PCDHGA7: variants seen among roughly 807,000 people sequenced by gnomAD.
PCDHGA7 encodes protocadherin gamma-A7.
PCDHGA7 carries 44 observed loss-of-function variants against 58.3 expected under a neutral mutation model. That is an observed-to-expected ratio of 0.75 (90% CI 0.59 to 0.97). The LOEUF (loss-of-function observed/expected upper bound fraction) is 0.97, where lower values mean the gene tolerates loss of function less well. Ranked by LOEUF, PCDHGA7 falls within the 50% of genes least tolerant of loss-of-function variation. The pLI, the probability that PCDHGA7 is intolerant of heterozygous loss-of-function variation, is 0.00. For synonymous variants in PCDHGA7, 516 were observed against 504.2 expected (o/e 1.02, Z -0.31); for missense variants, 1,266 against 1,188.7 (o/e 1.06, Z -0.96).
intron 1 of PCDHGA7, chr5:141,415,330 A>G (rs1326574664): frequency 1.2e-6 from 2 of 1,614,094 alleles, no homozygotes; most frequent in African/African-American, 2.7e-5. Context: ...GCTGGCGCAC[A>G]GGCTGCGGCG....
intron 1 of PCDHGA7, chr5:141,405,052 C>A (rs182635391): frequency 2.0e-4 from 329 of 1,613,956 alleles, no homozygotes; most frequent in Non-Finnish European, 2.5e-4. Flanking sequence ...TGGCAGTCGT[C>A]TCCTGTGTCT....
intron 1 of PCDHGA7, chr5:141,404,308 C>T (rs1241004917): frequency 6.2e-7 from 1 of 1,613,918 alleles, no homozygotes; most frequent in Middle Eastern, 1.6e-4. Flanking sequence ...CACCTGCTTT[C>T]TCTCAAGCCT....
intron 1 of PCDHGA7, among the ~76,000 whole-genome samples, chr5:141,484,797 G>C (rs1228143036): frequency 6.6e-6 from 1 of 152,064 alleles, no homozygotes; most frequent in Non-Finnish European, 1.5e-5. Flanking sequence ...ATAACAACCC[G>C]TGGAAAAACA....
rs138408376 is a variant in PCDHGA7 at position 141,421,859 on chromosome 5, T to C, written c.2424+36536T>C. The stretch of plus-strand genomic sequence containing the variant: ...CGAGAGAAAGAGGCTGCTCACCTGC[T>C]CCTCCTCACAGCTTTAGATGGAGGC... On this transcript the variant is annotated intron_variant, in intron 1 of 3. Coordinates refer to ENST00000518325, the MANE Select transcript of PCDHGA7 (RefSeq NM_018920.4). The C allele has an allele frequency of 1.7e-3, 2,741 of 1,613,710 alleles. 8 individuals carry two copies. Among genetic ancestry groups the C allele is most frequent in the Middle Eastern group, 8.1e-3 (49 of 6,062 alleles).
At chr5:141,453,319 G>T (rs2098762311) in intron 1 of PCDHGA7, among the ~76,000 whole-genome samples, 1 of 151,492 alleles carries the variant, frequency 6.6e-6, no homozygotes, top group Admixed American at 6.6e-5. Flanking sequence ...TTATTTTAGA[G>T]ATGGGGTCTC....
chr5:141,478,718 C>T, intron 1 of PCDHGA7: 1 of 1,544,994 alleles, frequency 6.5e-7, no homozygotes, highest in East Asian at 2.4e-5. Context: ...AGATGGTGGC[C>T]TGCCAGAGTG....
Position 141,383,071 on chromosome 5 carries a change from G to C in PCDHGA7, c.172G>C (p.Glu58Gln). ...IAKDLGLEPR[E>Q]LAERGVRIIS... ...CAAGGACCTGGGGCTGGAGCCCCGGGAGCTGGCGGAGCGCGGAGTCCGCAT... is the reference window on the plus strand; with the variant it reads ...CAAGGACCTGGGGCTGGAGCCCCGGCAGCTGGCGGAGCGCGGAGTCCGCAT... The change falls in exon 1 of 4, where the codon GAG becomes CAG. Residue 58 changes from glutamate to glutamine, a missense_variant. Coordinates refer to ENST00000518325, the MANE Select transcript of PCDHGA7 (RefSeq NM_018920.4). The C allele has an allele frequency of 1.9e-6, 3 of 1,613,916 alleles. No homozygotes were observed. The South Asian group carries it at 3.3e-5, about 18-fold the overall frequency.
At position 141,431,468 on chromosome 5, in the gene PCDHGA7, G is replaced by A. The variant is rs756718016; in HGVS notation, c.2424+46145G>A. ...CCGCGTGATGGTTCTGGATGCGAAC[G>A]ACAACGCACCAGCGTTTGCTCAGCC... On this transcript the variant is annotated intron_variant, in intron 1 of 3. Transcript: ENST00000518325. This position sits in a 1 kb window ranked among gnomAD's most constrained non-coding sequence, Gnocchi z 4.8. The A allele has an allele frequency of 3.7e-6, 6 of 1,613,804 alleles. No homozygotes were observed. In the Admixed American group the frequency reaches 8.3e-5, roughly 22 times the overall value.
intron 1 of PCDHGA7, chr5:141,394,967 C>T: frequency 6.2e-7 from 1 of 1,613,950 alleles, no homozygotes; most frequent in Non-Finnish European, 8.5e-7. Flanking sequence ...GGCTGAGGCG[C>T]TGGCACAAGT....
chr5:141,421,640 A>T (rs367946949), intron 1 of PCDHGA7: 1 of 1,613,716 alleles, frequency 6.2e-7, no homozygotes, highest in Non-Finnish European at 8.5e-7. Context: ...CAGGAGGACG[A>T]AGTGGAGATA....
At chr5:141,404,642 T>C in intron 1 of PCDHGA7, 20 of 1,614,190 alleles carry the variant, frequency 1.2e-5, no homozygotes, top group Non-Finnish European at 1.7e-5. Flanking sequence ...AGAAATCCTG[T>C]ACCCTGCCCT....
chr5:141,490,896 G>C lies in PCDHGA7; in HGVS notation c.2425-3911G>C. The stretch of plus-strand genomic sequence containing the variant: ...TGCATGCCAACACATCTCTGCATGT[G>C]TTTGTCCTAGACGAGAATGATAATG... On this transcript the variant is annotated intron_variant, in intron 1 of 3. Coordinates refer to ENST00000518325, the MANE Select transcript of PCDHGA7 (RefSeq NM_018920.4). This position sits in a 1 kb window ranked among gnomAD's most constrained non-coding sequence, Gnocchi z 5.4. 2.5e-6 allele frequency: 4 copies of C among 1,613,938 alleles called. No homozygotes were observed. The highest frequency in any genetic ancestry group is 3.4e-6 in the Non-Finnish European group (4 of 1,179,922).
intron 1 of PCDHGA7, among the ~76,000 whole-genome samples, chr5:141,455,133 CTG>C (rs2098814252): frequency 6.6e-6 from 1 of 151,392 alleles, no homozygotes; most frequent in African/African-American, 2.4e-5. Flanking sequence ...TTAAATTACA[CTG>C]TGTTAAATAA....
At chr5:141,389,638 T>C in intron 1 of PCDHGA7, 1 of 1,612,986 alleles carries the variant, frequency 6.2e-7, no homozygotes, top group Non-Finnish European at 8.5e-7. Flanking sequence ...CCTGGCTACT[T>C]GGTGACCAAG....
rs535152193 is a variant in PCDHGA7, at chr5:141,422,906, C to G, written c.2424+37583C>G. ...TTCGTGCTGGACCAGAACGACAATG[C>G]GCCCGAGATCCTGTACCCTGCCCTC... On this transcript the variant is annotated intron_variant, in intron 1 of 3. Transcript: ENST00000518325. 6 of 1,614,264 alleles carry G rather than the reference C, an allele frequency of 3.7e-6. No homozygotes were observed. The South Asian group carries it at 6.6e-5, about 18-fold the overall frequency.
chr5:141,433,883 G>A (rs1051019240), intron 1 of PCDHGA7, among the ~76,000 whole-genome samples: 1 of 149,932 alleles, frequency 6.7e-6, no homozygotes, highest in Non-Finnish European at 1.5e-5. Flanking sequence ...ATCCATTGAT[G>A]ACACTTGCTT....
chr5:141,422,790 C>G, intron 1 of PCDHGA7: 1 of 1,614,060 alleles, frequency 6.2e-7, no homozygotes, highest in South Asian at 1.1e-5. Context: ...TACAATCCTT[C>G]GACTATGAGC....
intron 1 of PCDHGA7, chr5:141,408,333 G>T (rs746692686): frequency 3.7e-6 from 6 of 1,613,924 alleles, no homozygotes; most frequent in Admixed American, 3.3e-5. Flanking sequence ...CTGGCCAAGG[G>T]CTCGGTGGTG....
intron 1 of PCDHGA7, chr5:141,413,841 T>A: frequency 6.2e-7 from 1 of 1,613,060 alleles, no homozygotes; most frequent in Non-Finnish European, 8.5e-7. Flanking sequence ...CCGACGGGGG[T>A]GACCCTCTCC....
Sources: allele counts gnomAD v4.1 joint callset (sites outside exome capture counted in the v4.1 genomes callset), GRCh38; gene constraint gnomAD v4.1.1; non-coding constraint Gnocchi (gnomAD v3.1); transcripts MANE v1.5; gene names NCBI Gene and HGNC (gene_info 2026-07-23, HGNC 2026-07-21).